The following PLCB1 variants were observed in gnomAD, a reference collection of about 807,000 sequenced individuals.
PLCB1 encodes the protein phospholipase C beta 1.
In PLCB1, 46 loss-of-function variants were observed where a neutral mutation model predicts 161.8. The ratio of observed to expected loss-of-function variants is 0.28; its 90% CI spans 0.22 to 0.36. The LOEUF (loss-of-function observed/expected upper bound fraction) is 0.36, where lower values mean the gene tolerates loss of function less well. Ranked by LOEUF, PLCB1 falls within the 10% of genes least tolerant of loss-of-function variation. PLCB1 has a pLI of 1.00. For missense variants in PLCB1, 1,016 were observed against 1,472.5 expected (o/e 0.69, Z 5.07); for synonymous variants, 517 against 503.7 (o/e 1.03, Z -0.35).
chr20:8,729,050 A>C lies in PLCB1; in HGVS notation c.1764A>C (p.Glu588Asp). ...TTCACTACTTAACATGATGGTCCAGATATAACAAAATGCAGCTTAGCAGGA... is the reference window on the plus strand; with the variant it reads ...TTCACTACTTAACATGATGGTCCAGCTATAACAAAATGCAGCTTAGCAGGA... ...QLTKSPVEFV[E>D]YNKMQLSRIY... is the part of the protein sequence containing the mutation. The change falls in exon 18 of 32, where the codon GAA (glutamate) becomes GAC (aspartate). Residue 588 changes from glutamate to aspartate, a missense_variant and splice_region_variant. By Grantham distance (45) the Glu-to-Asp change is conservative. Around this residue, in one of 10 missense-constraint regions of PLCB1, gnomAD observed 67 missense variants for 195.6 expected, o/e 0.34. Transcript: ENST00000338037. The C allele has an allele frequency of 6.2e-7, 1 of 1,605,290 alleles. No homozygotes were observed. The highest frequency in any genetic ancestry group is 8.5e-7 in the Non-Finnish European group (1 of 1,174,548).
intron 3 of PLCB1, among the ~76,000 whole-genome samples, chr20:8,533,369 G>A (rs1193005300): frequency 6.6e-6 from 1 of 150,520 alleles, no homozygotes; most frequent in Non-Finnish European, 1.5e-5. Context: ...ATTCCTTTGG[G>A]TATATACCCA....
chr20:8,446,568 G>A (rs558719216), intron 3 of PLCB1, among the ~76,000 whole-genome samples: 1 of 152,186 alleles, frequency 6.6e-6, no homozygotes, highest in Non-Finnish European at 1.5e-5. Flanking sequence ...GGGCTATCAG[G>A]CAGGAGAAAG....
chr20:8,333,486 C>T (rs1185545564), intron 2 of PLCB1, among the ~76,000 whole-genome samples: 2 of 152,028 alleles, frequency 1.3e-5, no homozygotes, highest in African/African-American at 4.8e-5. Context: ...GCAATGTTTT[C>T]CAACTAGGGG....
chr20:8,214,540 C>A (rs1979014685), intron 2 of PLCB1, among the ~76,000 whole-genome samples: 1 of 152,110 alleles, frequency 6.6e-6, no homozygotes, highest in Non-Finnish European at 1.5e-5. Flanking sequence ...TAAACATTTT[C>A]TTTATAAATT....
chr20:8,252,974 A>G (rs1191374426), intron 2 of PLCB1, among the ~76,000 whole-genome samples: 1 of 151,898 alleles, frequency 6.6e-6, no homozygotes, highest in Non-Finnish European at 1.5e-5. Context: ...TCTCAGTAGA[A>G]ATTCTTAATA....
intron 9 of PLCB1, among the ~76,000 whole-genome samples, chr20:8,682,550 T>C (rs983409263): frequency 6.6e-6 from 1 of 152,192 alleles, no homozygotes; most frequent in Non-Finnish European, 1.5e-5. Context: ...TTCCAGAACT[T>C]GGGAAAAGCA....
intron 2 of PLCB1, among the ~76,000 whole-genome samples, chr20:8,256,321 G>A (rs1020123874): frequency 1.3e-5 from 2 of 152,146 alleles, no homozygotes; most frequent in African/African-American, 4.8e-5. Flanking sequence ...TTCCTTGTGT[G>A]TATGGTCAGC....
intron 3 of PLCB1, among the ~76,000 whole-genome samples, chr20:8,495,388 CTTTTTTT>C (rs869173548): frequency 1.8e-4 from 17 of 94,358 alleles, no homozygotes; most frequent in Admixed American, 5.8e-4. Flanking sequence ...ACCTTCCTTT[CTTTTTTT>C]TTTTTTTTTT....
chr20:8,220,199 C>A (rs373176889), intron 2 of PLCB1, among the ~76,000 whole-genome samples: 4 of 151,976 alleles, frequency 2.6e-5, no homozygotes, highest in African/African-American at 9.7e-5. Flanking sequence ...GTATCACATG[C>A]CCAGGTTATG....
intron 2 of PLCB1, among the ~76,000 whole-genome samples, chr20:8,284,157 T>C (rs773365596): frequency 1.2e-4 from 19 of 152,114 alleles, no homozygotes; most frequent in Non-Finnish European, 2.6e-4. Context: ...CTCTTAATGC[T>C]TACTGCTAGT....
At chr20:8,171,300 A>G (rs1217130161) in intron 2 of PLCB1, among the ~76,000 whole-genome samples, 2 of 152,196 alleles carry the variant, frequency 1.3e-5, no homozygotes, top group Non-Finnish European at 2.9e-5. Context: ...CTAAGTACAA[A>G]TATAAATGTT....
chr20:8,833,249 A>G (rs1343176044), intron 31 of PLCB1, among the ~76,000 whole-genome samples: 1 of 152,216 alleles, frequency 6.6e-6, no homozygotes, highest in East Asian at 1.9e-4. Context: ...TCTCACAATC[A>G]TGGCGGAAGG....
chr20:8,424,947 C>G (rs1201985646), intron 3 of PLCB1, among the ~76,000 whole-genome samples: 1 of 152,060 alleles, frequency 6.6e-6, no homozygotes, highest in Non-Finnish European at 1.5e-5. Flanking sequence ...TTCAAATACC[C>G]CCTAGAAGTT....
At chr20:8,396,187 A>G (rs1019730026) in intron 3 of PLCB1, among the ~76,000 whole-genome samples, 1 of 152,098 alleles carries the variant, frequency 6.6e-6, no homozygotes, top group African/African-American at 2.4e-5. Context: ...AAAACCATAT[A>G]ACTACAGAAG....
intron 12 of PLCB1, among the ~76,000 whole-genome samples, chr20:8,709,491 T>G (rs1978875434): frequency 6.6e-6 from 1 of 152,202 alleles, no homozygotes; most frequent in Admixed American, 6.5e-5. Context: ...GCCAGATTTT[T>G]CAACTAAAAG....
At chr20:8,576,350 G>C (rs1467823419) in intron 3 of PLCB1, among the ~76,000 whole-genome samples, 1 of 152,078 alleles carries the variant, frequency 6.6e-6, no homozygotes, top group East Asian at 1.9e-4. Context: ...AGTCTGGGAT[G>C]AACAAACTGT....
chr20:8,834,962 G>T (rs1192019778), intron 31 of PLCB1, among the ~76,000 whole-genome samples: 3 of 152,084 alleles, frequency 2.0e-5, no homozygotes, highest in African/African-American at 7.2e-5. Context: ...CTGGTTGGAT[G>T]AGGCCCTCCC....
chr20:8,854,601 A>C (rs1411340036), intron 31 of PLCB1, among the ~76,000 whole-genome samples: 2 of 152,220 alleles, frequency 1.3e-5, no homozygotes, highest in African/African-American at 4.8e-5. Flanking sequence ...AGTTGCTGTT[A>C]AACTATTTAT....
intron 3 of PLCB1, among the ~76,000 whole-genome samples, chr20:8,439,358 A>C (rs1183784423): frequency 1.3e-5 from 2 of 152,212 alleles, no homozygotes; most frequent in Non-Finnish European, 2.9e-5. Context: ...CCTAAAAAAG[A>C]AACCTCTTTT....
Sources: gnomAD v4.1 joint callset for allele counts (sites outside exome capture counted in the v4.1 genomes callset) on GRCh38, gnomAD v4.1.1 for gene constraint, gnomAD v4.1.1 regional missense constraint, MANE v1.5 for transcripts, NCBI Gene and HGNC (gene_info 2026-07-23, HGNC 2026-07-21) for gene names.